SCFD2: variants seen among roughly 807,000 people sequenced by gnomAD.
SCFD2 encodes sec1 family domain-containing protein 2.
In SCFD2, 54 loss-of-function variants were observed where a neutral mutation model predicts 58.9. The ratio of observed to expected loss-of-function variants is 0.92; its 90% confidence interval spans 0.74 to 1.15. SCFD2 has a LOEUF of 1.15. Ranked by LOEUF, SCFD2 falls within the 50% of genes most tolerant of loss-of-function variation. SCFD2 has a pLI of 0.00. For missense variants in SCFD2, 805 were observed against 836.6 expected (o/e 0.96, Z 0.47); for synonymous variants, 321 against 335.9 (o/e 0.96, Z 0.49).
intron 4 of SCFD2, among the ~76,000 whole-genome samples, chr4:53,182,583 A>G (rs1249465641): frequency 6.6e-6 from 1 of 152,234 alleles, no homozygotes; most frequent in African/African-American, 2.4e-5. Flanking sequence ...CATTCAGGAC[A>G]TAGGCATGGG....
At chr4:53,036,578 C>A (rs1188936131) in intron 5 of SCFD2, among the ~76,000 whole-genome samples, 2 of 151,770 alleles carry the variant, frequency 1.3e-5, no homozygotes, top group Middle Eastern at 3.4e-3. Flanking sequence ...TCATTCTCAG[C>A]AAACTATCAC....
chr4:53,147,850 T>G (rs1451895020), intron 4 of SCFD2, among the ~76,000 whole-genome samples: 1 of 152,242 alleles, frequency 6.6e-6, no homozygotes, highest in Non-Finnish European at 1.5e-5. Context: ...GGCTGCTGCA[T>G]TCAAAGCCAT....
chr4:53,286,436 G>C (rs1478430164), intron 3 of SCFD2, among the ~76,000 whole-genome samples: 6 of 152,078 alleles, frequency 3.9e-5, no homozygotes, highest in Admixed American at 6.5e-5. Flanking sequence ...AGAAACCACA[G>C]GGCCCCCCAG....
At chr4:53,327,389 G>C (rs373286207) in intron 2 of SCFD2, among the ~76,000 whole-genome samples, 3 of 152,246 alleles carry the variant, frequency 2.0e-5, no homozygotes, top group African/African-American at 7.2e-5. Flanking sequence ...CTGCAGCCTG[G>C]CTCAGGATGT....
intron 4 of SCFD2, among the ~76,000 whole-genome samples, chr4:53,187,635 C>T (rs1727776116): frequency 1.3e-5 from 2 of 151,810 alleles, no homozygotes; most frequent in South Asian, 4.2e-4. Context: ...ATACTTAATG[C>T]CATAAATGAA....
chr4:53,018,161 C>G (rs971480316), intron 5 of SCFD2, among the ~76,000 whole-genome samples: 1 of 152,154 alleles, frequency 6.6e-6, no homozygotes, highest in Non-Finnish European at 1.5e-5. Context: ...CCCCAGGGCT[C>G]ATGATAGGGC....
At chr4:53,335,672 T>C (rs1189458734) in intron 2 of SCFD2, among the ~76,000 whole-genome samples, 1 of 152,224 alleles carries the variant, frequency 6.6e-6, no homozygotes, top group Non-Finnish European at 1.5e-5. Context: ...GAAAGTTTCT[T>C]ACACTATTTC....
intron 5 of SCFD2, among the ~76,000 whole-genome samples, chr4:53,019,070 G>A (rs1722283159): frequency 6.6e-6 from 1 of 152,136 alleles, no homozygotes; most frequent in Admixed American, 6.5e-5. Flanking sequence ...GGTGCAATGT[G>A]TTCAATAGAT....
intron 5 of SCFD2, among the ~76,000 whole-genome samples, chr4:53,029,800 A>T (rs1360453618): frequency 2.0e-5 from 3 of 152,226 alleles, no homozygotes; most frequent in Non-Finnish European, 4.4e-5. Context: ...CTCAACTAAC[A>T]CTTTGTACCT....
intron 5 of SCFD2, among the ~76,000 whole-genome samples, chr4:53,076,922 A>G (rs1305269126): frequency 6.6e-6 from 1 of 152,142 alleles, no homozygotes; most frequent in African/African-American, 2.4e-5. Context: ...ACCAGAAGTC[A>G]TTTTACATAT....
chr4:53,130,599 C>A (rs1249587938), intron 5 of SCFD2, among the ~76,000 whole-genome samples: 2 of 152,166 alleles, frequency 1.3e-5, no homozygotes, highest in Non-Finnish European at 2.9e-5. Flanking sequence ...CCTCTACACA[C>A]ACACAGTTAT....
intron 5 of SCFD2, among the ~76,000 whole-genome samples, chr4:53,024,548 T>C (rs1340482015): frequency 6.6e-6 from 1 of 152,208 alleles, no homozygotes; most frequent in Non-Finnish European, 1.5e-5. Context: ...TTTCTAGATA[T>C]TTGGTTTCAC....
intron 3 of SCFD2, among the ~76,000 whole-genome samples, chr4:53,301,566 A>C (rs1483764160): frequency 2.0e-5 from 3 of 152,196 alleles, no homozygotes; most frequent in Non-Finnish European, 4.4e-5. Flanking sequence ...ATTCCAATCA[A>C]TAGAAAAAGA....
intron 1 of SCFD2, among the ~76,000 whole-genome samples, chr4:53,362,855 G>T (rs1050024285): frequency 6.6e-6 from 1 of 152,136 alleles, no homozygotes. Context: ...AGTCTACATA[G>T]GTGAAAAAGT....
At chr4:52,964,142 A>G (rs1461146320) in intron 5 of SCFD2, among the ~76,000 whole-genome samples, 3 of 152,228 alleles carry the variant, frequency 2.0e-5, no homozygotes, top group Non-Finnish European at 4.4e-5. Flanking sequence ...CTGGGCACCA[A>G]TTTTAGAAAT....
At chr4:52,986,193 G>A (rs73144982) in intron 5 of SCFD2, among the ~76,000 whole-genome samples, 3,063 of 147,954 alleles carry the variant, frequency 0.021, 112 homozygotes, top group African/African-American at 0.072. Context: ...CCCTCTGCCC[G>A]TTCCCTGAGC....
intron 5 of SCFD2, among the ~76,000 whole-genome samples, chr4:52,959,396 G>C (rs1230589342): frequency 6.6e-6 from 1 of 152,036 alleles, no homozygotes; most frequent in African/African-American, 2.4e-5. Flanking sequence ...AGAATCTCTG[G>C]GGATAAGGCC....
chr4:53,158,480 T>A (rs1319148694), intron 4 of SCFD2, among the ~76,000 whole-genome samples: 1 of 152,164 alleles, frequency 6.6e-6, no homozygotes, highest in Non-Finnish European at 1.5e-5. Context: ...GTACCATCAC[T>A]CTTCCAGTTG....
At chr4:53,165,493 C>T (rs536429154) in intron 4 of SCFD2, among the ~76,000 whole-genome samples, 10 of 152,246 alleles carry the variant, frequency 6.6e-5, no homozygotes, top group African/African-American at 2.4e-4. Flanking sequence ...CTTGCACTGA[C>T]TTGCACGACC....
Sources: gnomAD v4.1 joint callset for allele counts (sites outside exome capture counted in the v4.1 genomes callset) on GRCh38, gnomAD v4.1.1 for gene constraint, MANE v1.5 for transcripts, NCBI Gene and HGNC (gene_info 2026-07-23, HGNC 2026-07-21) for gene names.